The following NXPE2 variants were observed in gnomAD, a reference collection of about 807,000 sequenced individuals.
NXPE2 encodes the protein NXPE family member 2.
A neutral mutation model predicts 34.4 loss-of-function variants in NXPE2; 34 were observed. The observed-to-expected ratio is 0.99, with a 90% confidence interval of 0.75 to 1.31. NXPE2 has a LOEUF of 1.31. NXPE2 is among the 40% of genes most tolerant of loss of function. The pLI, the probability that NXPE2 is intolerant of heterozygous loss-of-function variation, is 0.00. For missense variants in NXPE2, 649 were observed against 672.5 expected, an observed-to-expected ratio of 0.97 and a Z score of 0.39; for synonymous variants, 235 against 231.3, an observed-to-expected ratio of 1.02 and a Z score of -0.15.
the NXPE2 span, among the ~76,000 whole-genome samples, chr11:114,762,510 A>G: frequency 3.3e-5 from 5 of 152,198 alleles, no homozygotes; most frequent in African/African-American, 1.2e-4. Context: ...AAATGCTGCT[A>G]TCATAAACGA....
At chr11:114,700,719 T>C (rs1951350470) in intron 3 of NXPE2, among the ~76,000 whole-genome samples, 1 of 152,142 alleles carries the variant, frequency 6.6e-6, no homozygotes, top group African/African-American at 2.4e-5. Flanking sequence ...TAATTAAAGT[T>C]AAGTTGGTTT....
At chr11:114,597,400 C>T in the NXPE2 span, among the ~76,000 whole-genome samples, 8 of 152,054 alleles carry the variant, frequency 5.3e-5, no homozygotes, top group Admixed American at 1.3e-4. Context: ...AAAATATTTT[C>T]GGAGAAAGAA....
At chr11:114,615,851 C>T in the NXPE2 span, among the ~76,000 whole-genome samples, 4 of 151,624 alleles carry the variant, frequency 2.6e-5, no homozygotes, top group East Asian at 1.9e-4. Flanking sequence ...ATAAGAGATG[C>T]CTCGTGTGTA....
the NXPE2 span, among the ~76,000 whole-genome samples, chr11:114,524,959 A>C: frequency 6.6e-5 from 10 of 152,134 alleles, no homozygotes; most frequent in Non-Finnish European, 1.2e-4. Context: ...ACCCCGGTTT[A>C]TCTAGTGTTT....
At chr11:114,619,312 C>T in the NXPE2 span, among the ~76,000 whole-genome samples, 3 of 152,092 alleles carry the variant, frequency 2.0e-5, no homozygotes, top group Non-Finnish European at 4.4e-5. Context: ...CCACTGTTCC[C>T]CGCTGGATAA....
the NXPE2 span, among the ~76,000 whole-genome samples, chr11:114,805,958 C>T: frequency 6.6e-6 from 1 of 152,216 alleles, no homozygotes; most frequent in Non-Finnish European, 1.5e-5. Flanking sequence ...TAGGGGCAGA[C>T]TGACACCTCA....
the NXPE2 span, among the ~76,000 whole-genome samples, chr11:114,761,750 A>G: frequency 6.7e-6 from 1 of 149,144 alleles, no homozygotes; most frequent in East Asian, 2.0e-4. Flanking sequence ...ATTTTTTTGT[A>G]TTTTTAGTAG....
the NXPE2 span, among the ~76,000 whole-genome samples, chr11:114,555,664 C>T: frequency 1.3e-5 from 2 of 152,342 alleles, no homozygotes; most frequent in Admixed American, 6.5e-5. Flanking sequence ...TCCTCCTGTG[C>T]ATGCCCCGCT....
the NXPE2 span, among the ~76,000 whole-genome samples, chr11:114,808,407 T>TC: frequency 6.6e-6 from 1 of 151,282 alleles, no homozygotes; most frequent in East Asian, 1.9e-4. Context: ...ATCCAGGAGC[T>TC]GGTTTTTTGA....
the NXPE2 span, among the ~76,000 whole-genome samples, chr11:114,771,116 C>T: frequency 2.0e-5 from 3 of 151,904 alleles, no homozygotes; most frequent in African/African-American, 7.3e-5. Context: ...CCTTTCCTAT[C>T]AAGACTTGCA....
the NXPE2 span, among the ~76,000 whole-genome samples, chr11:114,599,916 C>A: frequency 2.0e-5 from 3 of 151,910 alleles, no homozygotes; most frequent in Non-Finnish European, 4.4e-5. Flanking sequence ...GAATATAACC[C>A]ATGGAATTAA....
the NXPE2 span, among the ~76,000 whole-genome samples, chr11:114,480,006 G>A: frequency 6.6e-6 from 1 of 152,106 alleles, no homozygotes; most frequent in South Asian, 2.1e-4. Flanking sequence ...CAGCTGTCCT[G>A]TGAACTAATA....
At chr11:114,784,143 G>T in the NXPE2 span, among the ~76,000 whole-genome samples, 2 of 152,198 alleles carry the variant, frequency 1.3e-5, no homozygotes, top group East Asian at 3.8e-4. Flanking sequence ...TAACTACTAT[G>T]CTATGCTACC....
chr11:114,472,892 G>T, the NXPE2 span, among the ~76,000 whole-genome samples: 1 of 152,192 alleles, frequency 6.6e-6, no homozygotes, highest in Non-Finnish European at 1.5e-5. Flanking sequence ...GAAGGTGGGG[G>T]GGTTGTTTTG....
chr11:114,545,543 A>G, the NXPE2 span, among the ~76,000 whole-genome samples: 1 of 152,176 alleles, frequency 6.6e-6, no homozygotes, highest in Non-Finnish European at 1.5e-5. Context: ...AAACCAATCA[A>G]TGGTTGCCAG....
At chr11:114,598,119 A>G in the NXPE2 span, among the ~76,000 whole-genome samples, 1 of 152,184 alleles carries the variant, frequency 6.6e-6, no homozygotes, top group African/African-American at 2.4e-5. Flanking sequence ...AAAGGGAAAA[A>G]TTGGCAGAAA....
the NXPE2 span, among the ~76,000 whole-genome samples, chr11:114,648,571 T>C: frequency 6.6e-6 from 1 of 152,190 alleles, no homozygotes; most frequent in Non-Finnish European, 1.5e-5. Flanking sequence ...GATTATCAAA[T>C]ATGTATACCT....
At chr11:114,526,358 A>G in the NXPE2 span, among the ~76,000 whole-genome samples, 1 of 152,202 alleles carries the variant, frequency 6.6e-6, no homozygotes, top group Non-Finnish European at 1.5e-5. Context: ...CATTCTTTTA[A>G]ATATAAAATC....
the NXPE2 span, among the ~76,000 whole-genome samples, chr11:114,771,014 C>T: frequency 1.3e-5 from 2 of 152,104 alleles, no homozygotes; most frequent in Admixed American, 6.5e-5. Context: ...ATATATTATG[C>T]ACCTGGCTCT....
Sources: allele counts gnomAD v4.1 joint callset (sites outside exome capture counted in the v4.1 genomes callset), GRCh38; gene constraint gnomAD v4.1.1; transcripts MANE v1.5; gene names NCBI Gene and HGNC (gene_info 2026-07-23, HGNC 2026-07-21).